The following ZPBP2 variants were observed in gnomAD, a reference collection of about 807,000 sequenced individuals.
ZPBP2 encodes zona pellucida-binding protein 2.
In ZPBP2, 34 loss-of-function variants were observed where a neutral mutation model predicts 37.5. The ratio of observed to expected loss-of-function variants is 0.91; its 90% CI spans 0.69 to 1.21. The LOEUF is 1.21. ZPBP2 is among the 50% of genes most tolerant of loss of function. The pLI is 0.00. For synonymous variants in ZPBP2, 143 were observed against 138.4 expected (o/e 1.03, Z -0.23); for missense variants, 397 against 413.5 (o/e 0.96, Z 0.35).
chr17:39,871,680 G>C, intron 4 of ZPBP2, 55 bp downstream of exon 4: 3 of 1,367,190 alleles, frequency 2.2e-6, no homozygotes, highest in Non-Finnish European at 2.9e-6. Flanking sequence ...GTAATTAAGT[G>C]TATGGTTTCT....
At chr17:39,868,490 C>T (rs2063346252) in intron 1 of ZPBP2, 59 bp from the exon 2 acceptor site, 2 of 1,613,262 alleles carry the variant, frequency 1.2e-6, no homozygotes, top group Non-Finnish European at 1.7e-6. Context: ...CCCTGCCCTG[C>T]CCGACTCTGA....
At chr17:39,873,920 A>C (rs1371175051) in intron 6 of ZPBP2, among the ~76,000 whole-genome samples, 1 of 151,902 alleles carries the variant, frequency 6.6e-6, no homozygotes, top group Non-Finnish European at 1.5e-5. Context: ...TTATTATTAA[A>C]TTCTGTGCTC....
Position 39,876,944 on chromosome 17 carries a change from T to A in ZPBP2, c.*135T>A. On this transcript the variant is annotated 3_prime_UTR_variant, in exon 8 of 8. Transcript: ENST00000348931. ...TGGAAAACATGCATTTTGGAAACTT[T>A]AAAATAAATGGTTAACATGGCATTT... 9.1e-7 allele frequency: 1 copy of A among 1,100,046 alleles called. No individual in the cohort carries two copies. Among genetic ancestry groups the A allele is most frequent in the Non-Finnish European group, 1.3e-6 (1 of 768,922 alleles). The allele number at this position is 1,100,046 out of a possible 1,614,324, so 68.1% of individuals were successfully genotyped here.
intron 3 of ZPBP2, among the ~76,000 whole-genome samples, chr17:39,871,076 G>A (rs2063362662): frequency 6.6e-6 from 1 of 152,016 alleles, no homozygotes; most frequent in Non-Finnish European, 1.5e-5. Context: ...ATTTATCATT[G>A]TAGTACCAGT....
chr17:39,871,641 C>G lies in ZPBP2; in HGVS notation c.406+16C>G, dbSNP rs951598940. 1 of 1,517,414 alleles carries G rather than the reference C, an allele frequency of 6.6e-7. No homozygotes were observed. The highest frequency in any genetic ancestry group is 8.8e-7 in the Non-Finnish European group (1 of 1,134,506). 94.0% of individuals were successfully genotyped at this position (1,517,414 alleles called of 1,614,324 possible). A position where few individuals can be genotyped will look rare whatever the true frequency, so the allele number is the denominator to read the frequency against. ...ATGGTCTTTGGTAAGAATTTAGGCACATTTTAACTTATACATTTAGTTTGG... is the reference window on the plus strand; with the variant it reads ...ATGGTCTTTGGTAAGAATTTAGGCAGATTTTAACTTATACATTTAGTTTGG... On this transcript the variant is annotated intron_variant, in intron 4 of 7. Coordinates refer to ENST00000348931, the MANE Select transcript of ZPBP2 (RefSeq NM_199321.3).
intron 3 of ZPBP2, 130 bp from the exon 4 acceptor site, chr17:39,871,334 T>G: frequency 1.9e-6 from 1 of 537,674 alleles, no homozygotes; most frequent in Non-Finnish European, 3.1e-6. Flanking sequence ...AGAATTAAGA[T>G]TTTGTGGGAT....
In ZPBP2 at chr17:39,868,226, C is replaced by A; in HGVS notation, c.-129C>A. Reference sequence around the variant, plus strand: ...TGCGCGTCCGCTCCCGCCGTTGCGACGGACGGGTAGGGGAGGCGACCCCGG... The same window carrying A: ...TGCGCGTCCGCTCCCGCCGTTGCGAAGGACGGGTAGGGGAGGCGACCCCGG... On this transcript the variant is annotated 5_prime_UTR_variant, in exon 1 of 8. Coordinates refer to ENST00000348931, the MANE Select transcript of ZPBP2 (RefSeq NM_199321.3). 2 of 1,026,588 alleles carry A rather than the reference C, an allele frequency of 1.9e-6. No individual in the cohort carries two copies. Among genetic ancestry groups the A allele is most frequent in the South Asian group, 3.6e-5 (2 of 55,810 alleles). The allele number at this position is 1,026,588 out of a possible 1,614,324, so 63.6% of individuals were successfully genotyped here.
chr17:39,874,631 C>G (rs1399610513), intron 6 of ZPBP2, among the ~76,000 whole-genome samples: 1 of 152,120 alleles, frequency 6.6e-6, no homozygotes, highest in African/African-American at 2.4e-5. Flanking sequence ...CGAGGTTTCA[C>G]CATGTTGGCC....
In ZPBP2 at chr17:39,877,814, T is replaced by G. The variant is rs1330874907; in HGVS notation, c.*1005T>G. 6.6e-6 allele frequency: 1 copy of G among 152,212 alleles called. No homozygotes were observed. The highest frequency in any genetic ancestry group is 2.4e-5 in the African/African-American group (1 of 41,458). 9.4% of individuals were successfully genotyped at this position (152,212 alleles called of 1,614,324 possible). Reference sequence around the variant, plus strand: ...TAATGTTCATTGTATGGATATAGCATAGTATGTTTATCCATTCGCCCATTA... The same window carrying G: ...TAATGTTCATTGTATGGATATAGCAGAGTATGTTTATCCATTCGCCCATTA... On this transcript the variant is annotated 3_prime_UTR_variant, in exon 8 of 8. Transcript: ENST00000348931.
chr17:39,877,672 T>C lies in ZPBP2; in HGVS notation c.*863T>C, dbSNP rs1162915312. The C allele has an allele frequency of 1.3e-5, 2 of 152,154 alleles. No homozygotes were observed. Among genetic ancestry groups the C allele is most frequent in the African/African-American group, 4.8e-5 (2 of 41,432 alleles). The allele number at this position is 152,154 out of a possible 1,614,324, so 9.4% of individuals were successfully genotyped here. A position where few individuals can be genotyped will look rare whatever the true frequency, so the allele number is the denominator to read the frequency against. On this transcript the variant is annotated 3_prime_UTR_variant, in exon 8 of 8. Transcript: ENST00000348931. ...TTGCCTTTTCCAAAATGTCATGTAG[T>C]TGGTTGGAGTTATGCAGTATGTAGA...
chr17:39,868,353 C>T lies in ZPBP2; in HGVS notation c.-2C>T, dbSNP rs953093574. 1.9e-6 allele frequency: 3 copies of T among 1,608,820 alleles called. No homozygotes were observed. Among genetic ancestry groups the T allele is most frequent in the Admixed American group, 1.7e-5 (1 of 59,992 alleles). The stretch of plus-strand genomic sequence containing the variant: ...GCCTCCTGCGACGCCAGCCCCTGAG[C>T]GATGATGCGAACGTGCGTCCTACTC... On this transcript the variant is annotated 5_prime_UTR_variant, in exon 1 of 8. Transcript: ENST00000348931.
At chr17:39,872,545 C>T (rs2063370305) in intron 5 of ZPBP2, 57 bp downstream of exon 5, 1 of 1,082,604 alleles carries the variant, frequency 9.2e-7, no homozygotes, top group Non-Finnish European at 1.3e-6. Flanking sequence ...TAATAGATTA[C>T]AAAATTACCA....
chr17:39,870,136 C>T (rs537622096), intron 2 of ZPBP2, among the ~76,000 whole-genome samples: 43 of 151,980 alleles, frequency 2.8e-4, no homozygotes, highest in Non-Finnish European at 5.0e-4. Context: ...CTCTGCCTCC[C>T]GGGTTCAAGC....
intron 2 of ZPBP2, among the ~76,000 whole-genome samples, chr17:39,870,230 G>T (rs139819926): frequency 6.6e-6 from 1 of 152,116 alleles, no homozygotes; most frequent in African/African-American, 2.4e-5. Flanking sequence ...TTTTAGTAGA[G>T]AGGGGGTTTT....
rs2063384505 is a variant in ZPBP2, at chr17:39,875,361, A to G, written c.816A>G (p.Val272=). 4.3e-6 allele frequency: 7 copies of G among 1,614,048 alleles called. No individual in the cohort carries two copies. Among genetic ancestry groups the G allele is most frequent in the Non-Finnish European group, 5.9e-6 (7 of 1,180,022 alleles). Residue 272 remains valine (V), a synonymous_variant, in exon 7 of 8, where the codon GTA becomes GTG. Transcript: ENST00000348931. ...ATTTTGTGGACCACAGTTTGCAAGTAGTACGTCTGGATAGCTGTCGACCAG... is the reference window on the plus strand; with the variant it reads ...ATTTTGTGGACCACAGTTTGCAAGTGGTACGTCTGGATAGCTGTCGACCAG... The part of the protein sequence containing the change: ...AMHFVDHSLQ[V]VRLDSCRPGF...
rs1293773708 is a variant in ZPBP2 at position 39,875,141 on chromosome 17, TTATC to T, written c.709-110_709-107del. On this transcript the variant is annotated intron_variant, in intron 6 of 7. Coordinates refer to ENST00000348931, the MANE Select transcript of ZPBP2 (RefSeq NM_199321.3). Reference sequence around the variant, plus strand: ...TGTTAACACACACCTTTTCAGGAATTTATCTACGTTAAGTATGGCATGCTTACAG... The same window carrying T: ...TGTTAACACACACCTTTTCAGGAATTTACGTTAAGTATGGCATGCTTACAG... 3.6e-5 allele frequency: 35 copies of T among 959,622 alleles called. 1 individual carries two copies. The highest frequency in any genetic ancestry group is 2.3e-4 in the South Asian group (13 of 55,468). The allele number at this position is 959,622 out of a possible 1,614,324, so 59.4% of individuals were successfully genotyped here.
At chr17:39,868,716 A>T (rs2063347824) in intron 2 of ZPBP2, 102 bp downstream of exon 2, 3 of 1,334,684 alleles carry the variant, frequency 2.2e-6, no homozygotes, top group Non-Finnish European at 3.2e-6. Flanking sequence ...GCCAGCGTTT[A>T]TTGAGCATCT....
intron 1 of ZPBP2, 35 bp downstream of exon 1, chr17:39,868,441 C>T: frequency 1.9e-6 from 3 of 1,611,762 alleles, no homozygotes; most frequent in Non-Finnish European, 1.7e-6. Context: ...CAGGCCTCTC[C>T]CTCTGCCCGA....
chr17:39,868,422 C>G lies in ZPBP2; in HGVS notation c.52+16C>G. 1 of 1,611,270 alleles carries G rather than the reference C, an allele frequency of 6.2e-7. No homozygotes were observed. Among genetic ancestry groups the G allele is most frequent in the Non-Finnish European group, 8.5e-7 (1 of 1,179,926 alleles). ...CTCACAGGAGGTGGGGCTCCCTCCA[C>G]CCGGTCCCCAGGCCTCTCCCTCTGC... On this transcript the variant is annotated intron_variant, in intron 1 of 7. Transcript: ENST00000348931.
Sources: allele counts gnomAD v4.1 joint callset (sites outside exome capture counted in the v4.1 genomes callset), GRCh38; gene constraint gnomAD v4.1.1; transcripts MANE v1.5; gene names NCBI Gene and HGNC (gene_info 2026-07-23, HGNC 2026-07-21).